Variants in IL7 observed in about 807,000 individuals in gnomAD.
IL7 encodes interleukin-7.
Under a neutral mutation model 21.6 loss-of-function variants are expected in IL7, and 3 were observed. The ratio of observed to expected loss-of-function variants is 0.14; its 90% CI spans 0.06 to 0.36. IL7 has a LOEUF of 0.36. Among genes scored for constraint, IL7 ranks in the 10% least tolerant of loss-of-function variants. The pLI is 1.00. For missense variants in IL7, 175 were observed against 200.2 expected (o/e 0.87, Z 0.76); for synonymous variants, 62 against 68.1 (o/e 0.91, Z 0.44).
downstream of IL7, among the ~76,000 whole-genome samples, chr8:78,729,324 C>A (rs1399037289): frequency 6.6e-6 from 1 of 151,982 alleles, no homozygotes; most frequent in Non-Finnish European, 1.5e-5. Flanking sequence ...AACTGGCACA[C>A]TAGAGATGGA....
chr8:78,740,720 CAGTG>C (rs1243196660), intron 2 of IL7, among the ~76,000 whole-genome samples: 1 of 152,164 alleles, frequency 6.6e-6, no homozygotes, highest in Admixed American at 6.5e-5. Context: ...TTGAAATTGA[CAGTG>C]AGAATTAAGG....
intron 2 of IL7, among the ~76,000 whole-genome samples, chr8:78,743,796 C>CAT (rs976264845): frequency 1.3e-5 from 2 of 151,472 alleles, no homozygotes; most frequent in Non-Finnish European, 2.9e-5. Flanking sequence ...CGTTGCCTAC[C>CAT]TTTTTTTTTC....
chr8:78,708,120 A>G (rs187171977), intron 3 of IL7, among the ~76,000 whole-genome samples: 3,106 of 152,274 alleles, frequency 0.02, 105 homozygotes, highest in African/African-American at 0.064. Context: ...TGTTATTTCG[A>G]TTTATACAGA....
chr8:78,738,691 T>C (rs1020907718), intron 3 of IL7, 56 bp from the exon 4 acceptor site: 2 of 1,529,918 alleles, frequency 1.3e-6, no homozygotes, highest in Admixed American at 3.6e-5. Flanking sequence ...TAAGAAATTA[T>C]AAGCTTTCTT....
chr8:78,771,622 C>G (rs142449375), intron 2 of IL7, among the ~76,000 whole-genome samples: 12 of 152,188 alleles, frequency 7.9e-5, no homozygotes, highest in African/African-American at 2.9e-4. Flanking sequence ...AAGCATTCAA[C>G]TGGGGTCTTT....
intron 2 of IL7, among the ~76,000 whole-genome samples, chr8:78,747,276 C>T (rs1812013644): frequency 1.3e-5 from 2 of 148,374 alleles, no homozygotes; most frequent in Non-Finnish European, 3.0e-5. Context: ...ACCTCTGCCT[C>T]CTGGGTTCAA....
intron 2 of IL7, among the ~76,000 whole-genome samples, chr8:78,749,525 G>A (rs1036505261): frequency 2.6e-5 from 4 of 152,192 alleles, no homozygotes; most frequent in Admixed American, 2.0e-4. Flanking sequence ...ACAACTTACT[G>A]AAGCAGAGAT....
chr8:78,758,879 C>G (rs1812443960), intron 2 of IL7, among the ~76,000 whole-genome samples: 1 of 151,978 alleles, frequency 6.6e-6, no homozygotes, highest in African/African-American at 2.4e-5. Context: ...CTTTCTATAT[C>G]TAGATGTCTA....
intron 2 of IL7, among the ~76,000 whole-genome samples, chr8:78,749,373 A>C (rs796323301): frequency 1.7e-4 from 26 of 152,264 alleles, no homozygotes; most frequent in African/African-American, 5.8e-4. Context: ...TTGCCAATCC[A>C]TACTTAAAAG....
chr8:78,716,846 T>G (rs1320153124), downstream of IL7, among the ~76,000 whole-genome samples: 2 of 152,140 alleles, frequency 1.3e-5, no homozygotes, highest in Admixed American at 6.5e-5. Context: ...GATAGTGAGT[T>G]CTCAATGTAT....
intron 2 of IL7, chr8:78,747,162 G>A (rs140648885): frequency 6.8e-4 from 298 of 436,238 alleles, no homozygotes; most frequent in African/African-American, 5.1e-3. Context: ...AAATAAAGTT[G>A]GTCCCTATAG....
chr8:78,713,612 T>G (rs1371320697), downstream of IL7, among the ~76,000 whole-genome samples: 1 of 152,154 alleles, frequency 6.6e-6, no homozygotes. Flanking sequence ...TGAATGGACT[T>G]GGAGTGAGCA....
intron 5 of IL7, 131 bp downstream of exon 5, chr8:78,736,343 C>G: frequency 1.9e-6 from 1 of 528,718 alleles, no homozygotes; most frequent in Non-Finnish European, 3.2e-6. Flanking sequence ...CCTCGCTTCT[C>G]CTTTTATCAA....
chr8:78,731,641 T>C (rs1207291722), downstream of IL7, among the ~76,000 whole-genome samples: 1 of 152,030 alleles, frequency 6.6e-6, no homozygotes, highest in Non-Finnish European at 1.5e-5. Context: ...AAAATGTTTA[T>C]TGAGATAAAT....
downstream of IL7, among the ~76,000 whole-genome samples, chr8:78,730,074 T>G (rs1563410897): frequency 6.6e-6 from 1 of 152,012 alleles, no homozygotes; most frequent in Non-Finnish European, 1.5e-5. Flanking sequence ...AACTAAATTT[T>G]AATGTTGCCC....
downstream of IL7, among the ~76,000 whole-genome samples, chr8:78,728,763 G>A (rs1459392557): frequency 2.0e-5 from 3 of 151,886 alleles, no homozygotes; most frequent in African/African-American, 7.3e-5. Context: ...CATCTAATGG[G>A]TGCAGACCAG....
chr8:78,804,835 C>T (rs1295956915), intron 1 of IL7, 78 bp downstream of exon 1: 4 of 1,559,142 alleles, frequency 2.6e-6, no homozygotes, highest in Non-Finnish European at 2.6e-6. Context: ...TGCCTAGGAG[C>T]AGGGGCCCCC....
intron 3 of IL7, among the ~76,000 whole-genome samples, chr8:78,698,961 T>C (rs1055251650): frequency 7.2e-5 from 11 of 152,172 alleles, no homozygotes; most frequent in African/African-American, 2.4e-4. Context: ...ATATATAAAT[T>C]GGGATATCTT....
rs937999438 is a variant in IL7 at position 78,738,377 on chromosome 8, A to C, written c.360+127T>G. The C allele has an allele frequency of 6.6e-6, 5 of 755,516 alleles. No individual in the cohort carries two copies. The Admixed American group carries it at 1.1e-4, about 17-fold the overall frequency. 46.8% of individuals were successfully genotyped at this position (755,516 alleles called of 1,614,324 possible). On this transcript the variant is annotated intron_variant, in intron 4 of 5. Coordinates refer to ENST00000263851, the MANE Select transcript of IL7 (RefSeq NM_000880.4). ...TCCTCTTCTAGGATTGAGTAAACATACTTCAACTTTAGATGATAATAAACA... is the reference window on the plus strand; with the variant it reads ...TCCTCTTCTAGGATTGAGTAAACATCCTTCAACTTTAGATGATAATAAACA...
Sources: allele counts gnomAD v4.1 joint callset (sites outside exome capture counted in the v4.1 genomes callset), GRCh38; gene constraint gnomAD v4.1.1; transcripts MANE v1.5; gene names NCBI Gene and HGNC (gene_info 2026-07-23, HGNC 2026-07-21).